Variants in RORB observed in about 807,000 individuals in gnomAD.
RORB encodes the protein nuclear receptor ROR-beta.
Under a neutral mutation model 59.1 loss-of-function variants are expected in RORB, and 6 were observed. That is an observed-to-expected ratio of 0.10 (90% CI 0.06 to 0.20). The LOEUF (loss-of-function observed/expected upper bound fraction) is 0.20, where lower values mean the gene tolerates loss of function less well. RORB is among the 10% of genes least tolerant of loss of function. RORB has a pLI of 1.00. For missense variants in RORB, 320 were observed against 560.5 expected (o/e 0.57, Z 4.33); for synonymous variants, 215 against 204.5 (o/e 1.05, Z -0.44).
chr9:74,604,055 T>TTTATA (rs1408626842), intron 1 of RORB, among the ~76,000 whole-genome samples: 8 of 151,944 alleles, frequency 5.3e-5, no homozygotes, highest in Admixed American at 5.2e-4. Flanking sequence ...TAAATATTAT[T>TTTATA]TTTCTCACAT....
intron 1 of RORB, among the ~76,000 whole-genome samples, chr9:74,572,381 A>G (rs767601035): frequency 6.6e-6 from 1 of 152,148 alleles, no homozygotes; most frequent in Non-Finnish European, 1.5e-5. Flanking sequence ...CACAGGTATG[A>G]AGTCTTTTTC....
At position 74,685,511 on chromosome 9, in the gene RORB, G is replaced by C. The variant is rs1824625804; in HGVS notation, c.1273G>C (p.Glu425Gln). The C allele has an allele frequency of 2.5e-6, 4 of 1,613,396 alleles. No individual in the cohort carries two copies. The highest frequency in any genetic ancestry group is 3.4e-6 in the Non-Finnish European group (4 of 1,179,468). Residue 425 changes from glutamate (E) to glutamine (Q), a missense_variant, in exon 10 of 10, where the codon GAG becomes CAG. Physicochemically the swap from Glu to Gln is conservative, Grantham distance 29. Coordinates refer to ENST00000376896, the MANE Select transcript of RORB (RefSeq NM_006914.4). Reference sequence around the variant, plus strand: ...CACGGCAGTTTGCAACTTGCACGGGGAGAAGCTGCAGGTATTTAAGCAATC... The same window carrying C: ...CACGGCAGTTTGCAACTTGCACGGGCAGAAGCTGCAGGTATTTAAGCAATC... ...TITAVCNLHG[E>Q]KLQVFKQSHP...
In RORB at chr9:74,689,963, T is replaced by C. The variant is rs1824712834; in HGVS notation, c.*4345T>C. On this transcript the variant is annotated 3_prime_UTR_variant, in exon 10 of 10. Coordinates refer to ENST00000376896, the MANE Select transcript of RORB (RefSeq NM_006914.4). ...TAATTTCTTCCTGACTCTTTTTTTT[T>C]CTATAAACTTTTATTTCCAAGGAAG... The C allele has an allele frequency of 6.6e-6, 1 of 152,158 alleles. No individual in the cohort carries two copies. Among genetic ancestry groups the C allele is most frequent in the Non-Finnish European group, 1.5e-5 (1 of 68,044 alleles). 9.4% of individuals were successfully genotyped at this position (152,158 alleles called of 1,614,324 possible). A position where few individuals can be genotyped will look rare whatever the true frequency, so the allele number is the denominator to read the frequency against.
At chr9:74,545,236 T>C (rs535759052) in intron 1 of RORB, among the ~76,000 whole-genome samples, 2 of 152,256 alleles carry the variant, frequency 1.3e-5, no homozygotes, top group African/African-American at 4.8e-5. Context: ...CCTTCCAATT[T>C]TGTGCCTCAA....
At chr9:74,543,050 C>CA (rs1206969823) in intron 1 of RORB, among the ~76,000 whole-genome samples, 1 of 152,204 alleles carries the variant, frequency 6.6e-6, no homozygotes, top group Non-Finnish European at 1.5e-5. Flanking sequence ...GTACTTAGCA[C>CA]ATGTTCATTA....
chr9:74,662,684 A>C, intron 6 of RORB, 78 bp downstream of exon 6: 2 of 1,474,220 alleles, frequency 1.4e-6, no homozygotes, highest in Non-Finnish European at 1.9e-6. Flanking sequence ...GTTCTAGAAA[A>C]TCCTCCTTCC....
intron 9 of RORB, among the ~76,000 whole-genome samples, chr9:74,677,380 G>A (rs1334517383): frequency 6.6e-6 from 1 of 152,150 alleles, no homozygotes; most frequent in Non-Finnish European, 1.5e-5. Flanking sequence ...AAATAGTTAG[G>A]ATTTACAACA....
chr9:74,625,707 T>C (rs1823500716), intron 1 of RORB, among the ~76,000 whole-genome samples: 1 of 152,224 alleles, frequency 6.6e-6, no homozygotes, highest in African/African-American at 2.4e-5. Flanking sequence ...GAACCACTAC[T>C]TTAAGGAGTT....
At chr9:74,619,018 A>G (rs1823362809) in intron 1 of RORB, among the ~76,000 whole-genome samples, 1 of 152,196 alleles carries the variant, frequency 6.6e-6, no homozygotes, top group Non-Finnish European at 1.5e-5. Context: ...GACTTGATAT[A>G]TGGTTAGTGA....
chr9:74,587,926 C>G (rs1822827865), intron 1 of RORB, among the ~76,000 whole-genome samples: 1 of 152,180 alleles, frequency 6.6e-6, no homozygotes, highest in Admixed American at 6.5e-5. Flanking sequence ...CTGCAATAAT[C>G]TACCAGACTA....
At chr9:74,622,040 AT>A (rs1014291142) in intron 1 of RORB, among the ~76,000 whole-genome samples, 8 of 150,618 alleles carry the variant, frequency 5.3e-5, no homozygotes, top group Admixed American at 1.3e-4. Flanking sequence ...GAAAAGTTGT[AT>A]TTTTTTTTCA....
chr9:74,529,967 A>G (rs1826211666), intron 1 of RORB, among the ~76,000 whole-genome samples: 2 of 152,020 alleles, frequency 1.3e-5, no homozygotes, highest in Admixed American at 6.6e-5. Context: ...CTCCACAGCT[A>G]TGTCAAAAAA....
chr9:74,669,324 C>A (rs1270442246), intron 8 of RORB, among the ~76,000 whole-genome samples: 1 of 151,954 alleles, frequency 6.6e-6, no homozygotes, highest in Non-Finnish European at 1.5e-5. Context: ...ACCAAAAATA[C>A]AAAAACTAGC....
chr9:74,526,362 CTT>C, intron 1 of RORB, among the ~76,000 whole-genome samples: 1 of 151,952 alleles, frequency 6.6e-6, no homozygotes, highest in South Asian at 2.1e-4. Context: ...CCCTAAAAGA[CTT>C]ATTCAGACCC....
At chr9:74,632,214 G>T (rs1823630780) in intron 2 of RORB, among the ~76,000 whole-genome samples, 1 of 152,094 alleles carries the variant, frequency 6.6e-6, no homozygotes, top group African/African-American at 2.4e-5. Flanking sequence ...CAAGCCAATA[G>T]CCAAGAACAA....
In RORB at chr9:74,625,896, G is replaced by A. The variant is rs1029048918; in HGVS notation, c.8-4386G>A. ...AATGTTACCTCCAACCAGAACGTAC[G>A]TGAAAAGTCTGTTATTATTACCATT... On this transcript the variant is annotated intron_variant, in intron 1 of 9. Transcript: ENST00000376896. 3.0e-4 allele frequency among the ~76,000 whole-genome samples: 46 copies of A among 152,286 alleles called. 2 individuals carry two copies. The highest frequency in any genetic ancestry group is 2.4e-3 in the Admixed American group (37 of 15,294).
chr9:74,505,323 T>C (rs911945563), intron 1 of RORB, among the ~76,000 whole-genome samples: 1 of 152,050 alleles, frequency 6.6e-6, no homozygotes, highest in Non-Finnish European at 1.5e-5. Flanking sequence ...GAGCCCAAAT[T>C]AAGATATACT....
chr9:74,640,664 C>A (rs1335385350), intron 3 of RORB, among the ~76,000 whole-genome samples: 1 of 152,104 alleles, frequency 6.6e-6, no homozygotes, highest in Non-Finnish European at 1.5e-5. Context: ...CATCCACAAT[C>A]CAGCAGGCAA....
intron 1 of RORB, among the ~76,000 whole-genome samples, chr9:74,623,785 C>G (rs999145163): frequency 3.3e-5 from 5 of 152,168 alleles, no homozygotes; most frequent in African/African-American, 1.2e-4. Context: ...TTCACTCAAC[C>G]TGAATAACGT....
Sources: gnomAD v4.1 joint callset for allele counts (sites outside exome capture counted in the v4.1 genomes callset) on GRCh38, gnomAD v4.1.1 for gene constraint, MANE v1.5 for transcripts, NCBI Gene and HGNC (gene_info 2026-07-23, HGNC 2026-07-21) for gene names.